The following SPIN1 variants were observed in gnomAD, a reference collection of about 807,000 sequenced individuals.
SPIN1 encodes spindlin 1, also known as spindlin-1.
In SPIN1, 3 loss-of-function variants were observed where a neutral mutation model predicts 26.0. The ratio of observed to expected loss-of-function variants is 0.12; its 90% confidence interval spans 0.05 to 0.30. The LOEUF (loss-of-function observed/expected upper bound fraction) is 0.30. Among genes scored for constraint, SPIN1 ranks in the 10% least tolerant of loss-of-function variants. The probability of loss-of-function intolerance (pLI) is 1.00; values close to 1 mark genes in which losing one functional copy is unlikely to be tolerated. For missense variants in SPIN1, 126 were observed against 333.4 expected, an observed-to-expected ratio of 0.38 and a Z score of 4.84; for synonymous variants, 101 against 116.5, an observed-to-expected ratio of 0.87 and a Z score of 0.86.
At chr9:88,425,007 G>T (rs552157716) in intron 1 of SPIN1, among the ~76,000 whole-genome samples, 1 of 152,326 alleles carries the variant, frequency 6.6e-6, no homozygotes, top group Admixed American at 6.5e-5. Context: ...TCTAGGGTGA[G>T]GATTGGGGTA....
intron 1 of SPIN1, among the ~76,000 whole-genome samples, chr9:88,405,285 G>A (rs1223967547): frequency 6.6e-6 from 1 of 152,040 alleles, no homozygotes; most frequent in African/African-American, 2.4e-5. Flanking sequence ...CTGGAGTGCA[G>A]TGGCAGGATC....
Position 88,448,920 on chromosome 9 carries a change from A to G in SPIN1, c.53-21A>G, listed in dbSNP as rs186663492. 9.4e-5 allele frequency: 152 copies of G among 1,612,108 alleles called. No homozygotes were observed. In the East Asian group the frequency reaches 2.0e-3, roughly 21 times the overall value. Reference sequence around the variant, plus strand: ...TTCTTTTATCTGGTTTTCATTGACTATATACTCATCTCTCTTACAGGCCAT... The same window carrying G: ...TTCTTTTATCTGGTTTTCATTGACTGTATACTCATCTCTCTTACAGGCCAT... On this transcript the variant is annotated intron_variant, in intron 2 of 5. Coordinates refer to ENST00000375859, the MANE Select transcript of SPIN1 (RefSeq NM_006717.3).
At position 88,447,074 on chromosome 9, in the gene SPIN1, A is replaced by G. The variant is rs372291779; in HGVS notation, c.53-1867A>G. Among the ~76,000 whole-genome samples, 7 of 152,246 alleles carry G rather than the reference A, an allele frequency of 4.6e-5. No individual in the cohort carries two copies. The East Asian group carries it at 7.7e-4, about 17-fold the overall frequency. On this transcript the variant is annotated intron_variant, in intron 2 of 5. Coordinates refer to ENST00000375859, the MANE Select transcript of SPIN1 (RefSeq NM_006717.3). Reference sequence around the variant, plus strand: ...TGTTAGGCCAGTTGATATTGTCCTAAAGGTCACTGAGGTTGTGCTCATTGT... The same window carrying G: ...TGTTAGGCCAGTTGATATTGTCCTAGAGGTCACTGAGGTTGTGCTCATTGT...
intron 5 of SPIN1, among the ~76,000 whole-genome samples, chr9:88,474,278 C>A (rs1456451203): frequency 1.3e-5 from 2 of 152,144 alleles, no homozygotes; most frequent in African/African-American, 4.8e-5. Context: ...GCCTAGCAAA[C>A]CCCCTCTCTT....
At chr9:88,437,229 G>A (rs1828021247) in intron 2 of SPIN1, among the ~76,000 whole-genome samples, 1 of 152,052 alleles carries the variant, frequency 6.6e-6, no homozygotes, top group South Asian at 2.1e-4. Flanking sequence ...CGGGGGTGGT[G>A]GCTCACACCT....
chr9:88,435,005 T>C (rs1263391349), intron 2 of SPIN1, among the ~76,000 whole-genome samples: 1 of 146,466 alleles, frequency 6.8e-6, no homozygotes, highest in African/African-American at 2.6e-5. Context: ...TGAGCCAAGA[T>C]CGCACCACTG....
At chr9:88,412,345 G>C (rs1827468657) in intron 1 of SPIN1, among the ~76,000 whole-genome samples, 1 of 152,104 alleles carries the variant, frequency 6.6e-6, no homozygotes, top group South Asian at 2.1e-4. Flanking sequence ...GTTTTTACTA[G>C]GGATATCCTT....
chr9:88,472,294 G>A (rs1828804093), intron 5 of SPIN1, among the ~76,000 whole-genome samples: 1 of 152,142 alleles, frequency 6.6e-6, no homozygotes, highest in African/African-American at 2.4e-5. Flanking sequence ...CTAATCCATG[G>A]CTTGATCTCA....
chr9:88,394,386 G>C (rs867228394), intron 1 of SPIN1, among the ~76,000 whole-genome samples: 56 of 152,256 alleles, frequency 3.7e-4, no homozygotes, highest in African/African-American at 1.3e-3. Context: ...ACAGAAATCT[G>C]GGTGTTATAT....
At chr9:88,407,499 C>T (rs948884004) in intron 1 of SPIN1, among the ~76,000 whole-genome samples, 2 of 151,100 alleles carry the variant, frequency 1.3e-5, no homozygotes, top group African/African-American at 4.9e-5. Flanking sequence ...CAGTTTTCTT[C>T]TAAGGTGTTA....
chr9:88,475,196 A>G lies in SPIN1; in HGVS notation c.708A>G (p.Val236=), dbSNP rs1828867989. 7 of 1,614,068 alleles carry G rather than the reference A, an allele frequency of 4.3e-6. No individual in the cohort carries two copies. Among genetic ancestry groups the G allele is most frequent in the Non-Finnish European group, 5.9e-6 (7 of 1,180,022 alleles). The change falls in exon 6 of 6, where the codon GTA becomes GTG. Residue 236 remains valine, a synonymous_variant. Transcript: ENST00000375859. ...GGACTGGCATGGTCATTCATCAAGT[A>G]GAAGCCAAGCCCTCCGTCTATTTCA... ...SKRTGMVIHQ[V]EAKPSVYFIK...
rs140964419 is a variant in SPIN1 at position 88,456,764 on chromosome 9, C to T, written c.102-5732C>T. Among the ~76,000 whole-genome samples, 146 of 151,964 alleles carry T rather than the reference C, an allele frequency of 9.6e-4. 1 individual carries two copies. The highest frequency in any genetic ancestry group is 3.3e-3 in the African/African-American group (138 of 41,482). On this transcript the variant is annotated intron_variant, in intron 3 of 5. Coordinates refer to ENST00000375859, the MANE Select transcript of SPIN1 (RefSeq NM_006717.3). Reference sequence around the variant, plus strand: ...TCATGAGGCATCTTAGAGCACTAAACGCATAAAAGACAGTCACTAGTCAAA... The same window carrying T: ...TCATGAGGCATCTTAGAGCACTAAATGCATAAAAGACAGTCACTAGTCAAA...
intron 1 of SPIN1, chr9:88,389,559 T>C (rs540391684): frequency 2.6e-5 from 4 of 152,254 alleles, no homozygotes; most frequent in Non-Finnish European, 2.9e-5. Context: ...GTGGTGGAAG[T>C]GTTTTCACTC....
chr9:88,436,537 G>C (rs1208501368), intron 2 of SPIN1, among the ~76,000 whole-genome samples: 1 of 151,974 alleles, frequency 6.6e-6, no homozygotes, highest in Non-Finnish European at 1.5e-5. Context: ...TTACATTAAG[G>C]TTCATTCTTG....
chr9:88,411,706 G>A (rs1394582816), intron 1 of SPIN1, among the ~76,000 whole-genome samples: 2 of 152,020 alleles, frequency 1.3e-5, no homozygotes, highest in African/African-American at 4.8e-5. Flanking sequence ...GTAGAGATGA[G>A]ATCACCCTGT....
At chr9:88,407,113 A>G (rs1211953319) in intron 1 of SPIN1, among the ~76,000 whole-genome samples, 7 of 148,090 alleles carry the variant, frequency 4.7e-5, no homozygotes, top group Admixed American at 3.4e-4. Context: ...TAGTCTAGAC[A>G]TGCCTCAAAT....
intron 3 of SPIN1, among the ~76,000 whole-genome samples, chr9:88,453,202 A>T (rs992825164): frequency 6.6e-6 from 1 of 151,904 alleles, no homozygotes; most frequent in African/African-American, 2.4e-5. Flanking sequence ...TTTTCAACAC[A>T]TGACTTCAGC....
intron 1 of SPIN1, among the ~76,000 whole-genome samples, chr9:88,390,300 T>TA (rs1170912695): frequency 3.3e-5 from 5 of 152,304 alleles, no homozygotes; most frequent in Non-Finnish European, 5.9e-5. Flanking sequence ...GTGTCTCCCT[T>TA]ACTTGTGAAC....
chr9:88,463,735 G>T (rs528403985), intron 4 of SPIN1, among the ~76,000 whole-genome samples: 36 of 152,230 alleles, frequency 2.4e-4, no homozygotes, highest in African/African-American at 8.7e-4. Context: ...AGTTTTCAAA[G>T]AAATCTTTCT....
Sources: allele counts gnomAD v4.1 joint callset (sites outside exome capture counted in the v4.1 genomes callset), GRCh38; gene constraint gnomAD v4.1.1; transcripts MANE v1.5; gene names NCBI Gene and HGNC (gene_info 2026-07-23, HGNC 2026-07-21).